Variants in KLHL1 observed in about 807,000 individuals in gnomAD.
KLHL1 encodes kelch like family member 1, also known as kelch-like protein 1.
A neutral mutation model predicts 77.7 loss-of-function variants in KLHL1; 47 were observed. The observed-to-expected ratio is 0.60, with a 90% CI of 0.48 to 0.77. The LOEUF is 0.77. KLHL1 is among the 30% of genes least tolerant of loss of function. The pLI is 0.00. For missense variants in KLHL1, 925 were observed against 910.8 expected (o/e 1.02, Z -0.20); for synonymous variants, 360 against 325.2 (o/e 1.11, Z -1.15).
chr13:70,068,590 T>A (rs1210743880), intron 1 of KLHL1, among the ~76,000 whole-genome samples: 2 of 152,208 alleles, frequency 1.3e-5, no homozygotes, highest in African/African-American at 4.8e-5. Context: ...ACAGTGGGTA[T>A]GCACATGCTA....
At chr13:69,708,327 T>C (rs1022348663) in intron 9 of KLHL1, among the ~76,000 whole-genome samples, 2 of 152,018 alleles carry the variant, frequency 1.3e-5, no homozygotes, top group Non-Finnish European at 2.9e-5. Flanking sequence ...TTTTAATGCA[T>C]GGTCCGCTTT....
chr13:69,787,303 A>AAAAC (rs1177961172), intron 7 of KLHL1, among the ~76,000 whole-genome samples: 1 of 152,234 alleles, frequency 6.6e-6, no homozygotes, highest in Non-Finnish European at 1.5e-5. Context: ...TACTGGTACC[A>AAAAC]AAACAGAAAT....
chr13:69,737,788 A>G (rs2137925152), intron 8 of KLHL1, among the ~76,000 whole-genome samples: 1 of 152,306 alleles, frequency 6.6e-6, no homozygotes, highest in East Asian at 1.9e-4. Context: ...ATCACGCATC[A>G]GTGGTCTCAG....
At chr13:69,902,092 G>T (rs1210872053) in intron 4 of KLHL1, among the ~76,000 whole-genome samples, 1 of 152,014 alleles carries the variant, frequency 6.6e-6, no homozygotes, top group Non-Finnish European at 1.5e-5. Flanking sequence ...GAGCCACCAC[G>T]CCCAGCCCAC....
At chr13:69,840,003 A>G (rs1156332918) in intron 5 of KLHL1, among the ~76,000 whole-genome samples, 1 of 152,016 alleles carries the variant, frequency 6.6e-6, no homozygotes, top group Non-Finnish European at 1.5e-5. Flanking sequence ...TAGAAAATAA[A>G]TAAGTAGAAA....
intron 1 of KLHL1, among the ~76,000 whole-genome samples, chr13:70,014,995 C>CA (rs34007505): frequency 0.54 from 81,683 of 151,698 alleles, 22,202 homozygotes; most frequent in Non-Finnish European, 0.57. Flanking sequence ...AGCAAACATG[C>CA]AAAAATTATT....
intron 3 of KLHL1, among the ~76,000 whole-genome samples, chr13:69,941,366 A>C (rs1184656699): frequency 6.6e-6 from 1 of 152,114 alleles, no homozygotes; most frequent in Non-Finnish European, 1.5e-5. Context: ...TCAACAATGA[A>C]ATCAAGGTGG....
intron 1 of KLHL1, among the ~76,000 whole-genome samples, chr13:70,065,663 C>A (rs1204528342): frequency 3.3e-5 from 5 of 152,122 alleles, no homozygotes; most frequent in African/African-American, 1.2e-4. Context: ...GGATTTTATT[C>A]TTTTAGTATA....
At chr13:69,982,975 C>T (rs535897028) in intron 1 of KLHL1, among the ~76,000 whole-genome samples, 128 of 151,990 alleles carry the variant, frequency 8.4e-4, no homozygotes, top group Non-Finnish European at 1.6e-3. Flanking sequence ...AAGAGTCCAC[C>T]TAAAATCTGT....
chr13:70,053,216 A>G (rs1333950639), intron 1 of KLHL1, among the ~76,000 whole-genome samples: 1 of 152,132 alleles, frequency 6.6e-6, no homozygotes, highest in African/African-American at 2.4e-5. Flanking sequence ...TTTTATGAAT[A>G]GAACATATAG....
chr13:70,015,561 CAT>C (rs1017422488), intron 1 of KLHL1, among the ~76,000 whole-genome samples: 6 of 152,228 alleles, frequency 3.9e-5, no homozygotes, highest in Middle Eastern at 3.4e-3. Flanking sequence ...TTTGAATACA[CAT>C]ATGACTCTTC....
intron 2 of KLHL1, among the ~76,000 whole-genome samples, chr13:69,964,758 TATTC>T (rs1019043559): frequency 3.4e-4 from 52 of 152,294 alleles, no homozygotes; most frequent in Middle Eastern, 3.4e-3. Flanking sequence ...CTGATTGCTT[TATTC>T]ATTGTTATCT....
intron 3 of KLHL1, among the ~76,000 whole-genome samples, chr13:69,949,209 C>A (rs572573340): frequency 6.7e-6 from 1 of 149,786 alleles, no homozygotes; most frequent in East Asian, 2.0e-4. Context: ...ATTTTTTTTT[C>A]TTTTCTTACC....
intron 1 of KLHL1, among the ~76,000 whole-genome samples, chr13:70,099,167 A>C (rs1713486803): frequency 6.6e-6 from 1 of 151,854 alleles, no homozygotes; most frequent in Non-Finnish European, 1.5e-5. Context: ...TTTACAATTT[A>C]ATAATACAAA....
chr13:69,788,919 C>T (rs138137544), intron 7 of KLHL1, among the ~76,000 whole-genome samples: 261 of 152,206 alleles, frequency 1.7e-3, no homozygotes, highest in African/African-American at 5.9e-3. Flanking sequence ...ATTACAATGG[C>T]TATTACAAAA....
intron 4 of KLHL1, among the ~76,000 whole-genome samples, chr13:69,906,251 T>C (rs565077709): frequency 1.3e-5 from 2 of 152,168 alleles, no homozygotes; most frequent in South Asian, 2.1e-4. Context: ...TCAGGTTTCC[T>C]GGGGGAATTT....
At chr13:69,954,800 T>TACACACACACACACACAC (rs34668618) in intron 3 of KLHL1, among the ~76,000 whole-genome samples, 7 of 149,578 alleles carry the variant, frequency 4.7e-5, no homozygotes, top group African/African-American at 1.5e-4. Context: ...CTAAATGTTT[T>TACACACACACACACACAC]ACACACACAC....
chr13:69,871,384 A>T (rs1386317983), intron 5 of KLHL1, among the ~76,000 whole-genome samples: 1 of 152,076 alleles, frequency 6.6e-6, no homozygotes, highest in Non-Finnish European at 1.5e-5. Flanking sequence ...TTTTCCCACG[A>T]TCTTGACTGT....
At position 70,107,434 on chromosome 13, in the gene KLHL1, A is replaced by AAGGAAGAGG. The variant is rs1272833513; in HGVS notation, c.257_265dup (p.Ser86_Ser88dup). 1.2e-6 allele frequency: 2 copies of AAGGAAGAGG among 1,611,194 alleles called. No individual in the cohort carries two copies. Among genetic ancestry groups the AAGGAAGAGG allele is most frequent in the Non-Finnish European group, 1.7e-6 (2 of 1,179,912 alleles). On this transcript the variant is annotated inframe_insertion, in exon 1 of 11. Transcript: ENST00000377844. ...AAGCAGGGTGCCATTCAGCGGATTG[A>AAGGAAGAGG]AGGAAGAGGAGGAAGAGGACGGGGA... is the stretch of plus-strand genomic sequence containing the variant.
Sources: allele counts gnomAD v4.1 joint callset (sites outside exome capture counted in the v4.1 genomes callset), GRCh38; gene constraint gnomAD v4.1.1; transcripts MANE v1.5; gene names NCBI Gene and HGNC (gene_info 2026-07-23, HGNC 2026-07-21).